Variants in PDE4D observed in about 807,000 individuals in gnomAD.
PDE4D encodes 3',5'-cyclic-AMP phosphodiesterase 4D.
PDE4D carries 24 observed loss-of-function variants against 87.4 expected under a neutral mutation model. The ratio of observed to expected loss-of-function variants is 0.27; its 90% CI spans 0.20 to 0.39. The LOEUF (loss-of-function observed/expected upper bound fraction) is 0.39. Ranked by LOEUF, PDE4D falls within the 10% of genes least tolerant of loss-of-function variation. The pLI is 1.00. For synonymous variants in PDE4D, 384 were observed against 383.2 expected (o/e 1.00, Z -0.02); for missense variants, 714 against 1,041.0 (o/e 0.69, Z 4.32).
At chr5:60,452,010 T>C (rs768700326) in intron 1 of PDE4D, among the ~76,000 whole-genome samples, 2 of 152,140 alleles carry the variant, frequency 1.3e-5, no homozygotes, top group Non-Finnish European at 2.9e-5. Context: ...TTTTTCTCAA[T>C]AGCCCAAAAG....
chr5:60,392,902 A>T (rs941115006), intron 1 of PDE4D, among the ~76,000 whole-genome samples: 5 of 152,250 alleles, frequency 3.3e-5, no homozygotes, highest in African/African-American at 1.2e-4. Context: ...CACAGGGAAG[A>T]TTGTAAACTT....
chr5:60,203,677 C>CA (rs905594529), intron 1 of PDE4D, among the ~76,000 whole-genome samples: 4 of 151,968 alleles, frequency 2.6e-5, no homozygotes, highest in African/African-American at 9.7e-5. Context: ...GCTAAAGATC[C>CA]AAAAAAGTTG....
In PDE4D at chr5:58,974,148, A is replaced by G. The variant is rs1219002045; in HGVS notation, c.*516T>C. Reference sequence around the variant, plus strand: ...TGCAGCTCACTGAACCACACTATTCAGTCATGTATCAGGAAGACTTGAAAT... The same window carrying G: ...TGCAGCTCACTGAACCACACTATTCGGTCATGTATCAGGAAGACTTGAAAT... On this transcript the variant is annotated 3_prime_UTR_variant, in exon 15 of 15. Transcript: ENST00000340635. 6.5e-6 allele frequency: 1 copy of G among 152,804 alleles called. No individual in the cohort carries two copies. The highest frequency in any genetic ancestry group is 6.5e-5 in the Admixed American group (1 of 15,314). The allele number at this position is 152,804 out of a possible 1,614,324, so 9.5% of individuals were successfully genotyped here.
At chr5:59,400,908 A>G (rs1790490327) in intron 1 of PDE4D, among the ~76,000 whole-genome samples, 1 of 152,212 alleles carries the variant, frequency 6.6e-6, no homozygotes, top group South Asian at 2.1e-4. Context: ...TGTATGTTAC[A>G]TAAATATGCA....
intron 1 of PDE4D, among the ~76,000 whole-genome samples, chr5:60,341,339 C>T (rs1055037586): frequency 6.6e-6 from 1 of 152,184 alleles, no homozygotes; most frequent in East Asian, 1.9e-4. Flanking sequence ...CCTCCTGCTG[C>T]TCTCCAGTTT....
chr5:60,457,738 A>G (rs1047915100), intron 1 of PDE4D, among the ~76,000 whole-genome samples: 3 of 152,168 alleles, frequency 2.0e-5, no homozygotes, highest in Non-Finnish European at 4.4e-5. Flanking sequence ...AGCTGTGAGG[A>G]AATTATTTAA....
chr5:60,406,378 T>C (rs920165631), intron 1 of PDE4D, among the ~76,000 whole-genome samples: 12 of 152,204 alleles, frequency 7.9e-5, no homozygotes, highest in African/African-American at 2.4e-4. Context: ...GTTTTCTCTA[T>C]CTAAAGTAAA....
chr5:60,515,192 G>C (rs1296967717), intron 1 of PDE4D, among the ~76,000 whole-genome samples: 3 of 152,072 alleles, frequency 2.0e-5, no homozygotes, highest in African/African-American at 7.2e-5. Flanking sequence ...ATATCAGATA[G>C]TTTTAAGTTT....
At chr5:59,461,391 C>A (rs73760365) in intron 1 of PDE4D, among the ~76,000 whole-genome samples, 2,482 of 151,464 alleles carry the variant, frequency 0.016, 74 homozygotes, top group African/African-American at 0.055. Context: ...TATAATCAAG[C>A]AAAAATAAAA....
intron 1 of PDE4D, among the ~76,000 whole-genome samples, chr5:59,829,909 G>A (rs552232498): frequency 1.3e-5 from 2 of 151,872 alleles, no homozygotes; most frequent in East Asian, 3.9e-4. Context: ...AAAATACCCT[G>A]GAAAGGTAGT....
chr5:60,268,223 A>G (rs1055346012), intron 1 of PDE4D, among the ~76,000 whole-genome samples: 14 of 152,356 alleles, frequency 9.2e-5, no homozygotes, highest in African/African-American at 3.1e-4. Flanking sequence ...AGCCTTCATC[A>G]TGCCTGTTTA....
intron 2 of PDE4D, among the ~76,000 whole-genome samples, chr5:60,126,232 T>C (rs1779113524): frequency 6.6e-6 from 1 of 151,316 alleles, no homozygotes; most frequent in Non-Finnish European, 1.5e-5. Context: ...TGACTTACTC[T>C]CCCAAATCCA....
intron 1 of PDE4D, among the ~76,000 whole-genome samples, chr5:59,839,136 G>C (rs1742590071): frequency 6.6e-6 from 1 of 151,836 alleles, no homozygotes; most frequent in Non-Finnish European, 1.5e-5. Context: ...AGTGGAAGAT[G>C]GAGCTTGCAA....
chr5:60,390,200 T>A (rs947458983), intron 1 of PDE4D, among the ~76,000 whole-genome samples: 1 of 152,214 alleles, frequency 6.6e-6, no homozygotes, highest in Non-Finnish European at 1.5e-5. Flanking sequence ...AGGAGCTCTG[T>A]GCAGCCTGCT....
At chr5:59,464,014 A>G (rs1328718675) in intron 1 of PDE4D, among the ~76,000 whole-genome samples, 2 of 152,226 alleles carry the variant, frequency 1.3e-5, no homozygotes, top group Non-Finnish European at 2.9e-5. Flanking sequence ...AGATGCTTGA[A>G]GGCAGCATGC....
intron 1 of PDE4D, among the ~76,000 whole-genome samples, chr5:59,505,491 A>C (rs1409951226): frequency 6.6e-6 from 1 of 152,224 alleles, no homozygotes; most frequent in East Asian, 1.9e-4. Context: ...GGTTTTCTAC[A>C]CTTAAATAGC....
chr5:59,489,279 A>G (rs1805755071), intron 1 of PDE4D, among the ~76,000 whole-genome samples: 2 of 142,874 alleles, frequency 1.4e-5, no homozygotes, highest in South Asian at 4.5e-4. Flanking sequence ...AAAAAAACAA[A>G]AAAAACAAAA....
rs1483379940 is a variant in PDE4D at position 59,566,579 on chromosome 5, T to TGA, written c.455+326588_455+326589insTC. ...GTGTGTGTGTGTGTGTGTGTGTGTGTGTGTGAGAGAATGAGAGAGAGAGAG... is the reference window on the plus strand; with the variant it reads ...GTGTGTGTGTGTGTGTGTGTGTGTGTGAGTGTGAGAGAATGAGAGAGAGAGAG... On this transcript the variant is annotated intron_variant, in intron 1 of 14. Transcript: ENST00000340635. Among the ~76,000 whole-genome samples, 471 of 146,288 alleles carry TGA rather than the reference T, an allele frequency of 3.2e-3. 5 individuals carry two copies. Among genetic ancestry groups the TGA allele is most frequent in the African/African-American group, 7.5e-3 (293 of 38,860 alleles).
intron 1 of PDE4D, among the ~76,000 whole-genome samples, chr5:60,196,521 AG>A (rs1741235112): frequency 6.6e-6 from 1 of 151,630 alleles, no homozygotes; most frequent in Admixed American, 6.6e-5. Context: ...CTGCCTGGGC[AG>A]TGGGAGGTGT....
Sources: allele counts gnomAD v4.1 joint callset (sites outside exome capture counted in the v4.1 genomes callset), GRCh38; gene constraint gnomAD v4.1.1; transcripts MANE v1.5; gene names NCBI Gene and HGNC (gene_info 2026-07-23, HGNC 2026-07-21).